Variants in CRISP3 observed in about 807,000 individuals in gnomAD.
The protein encoded by CRISP3 is cysteine-rich secretory protein 3.
CRISP3 carries 33 observed loss-of-function variants against 36.1 expected under a neutral mutation model. The ratio of observed to expected loss-of-function variants is 0.91; its 90% CI spans 0.69 to 1.22. The LOEUF is 1.22. Ranked by LOEUF, CRISP3 falls within the 50% of genes most tolerant of loss-of-function variation. The pLI is 0.00. For missense variants in CRISP3, 330 were observed against 301.2 expected (o/e 1.10, Z -0.71); for synonymous variants, 117 against 104.6 (o/e 1.12, Z -0.72).
rs1161329291 is a variant in CRISP3 at position 49,727,922 on chromosome 6, G to A, written c.*808C>T. ...ATTTGTCATTTTTCTCCCCTGTAAA[G>A]TTACTATGTTTCCCTTTCCATACTC... On this transcript the variant is annotated 3_prime_UTR_variant, in exon 8 of 8. Coordinates refer to ENST00000263045, the MANE Select transcript of CRISP3 (RefSeq NM_006061.4). 1 of 152,094 alleles carries A rather than the reference G, an allele frequency of 6.6e-6. No individual in the cohort carries two copies. Among genetic ancestry groups the A allele is most frequent in the Non-Finnish European group, 1.5e-5 (1 of 67,990 alleles). The allele number at this position is 152,094 out of a possible 1,614,324, so 9.4% of individuals were successfully genotyped here.
At chr6:49,733,437 T>C (rs1341618201) in intron 5 of CRISP3, 145 bp from the exon 6 acceptor site, 8 of 646,018 alleles carry the variant, frequency 1.2e-5, no homozygotes, top group Middle Eastern at 3.6e-4. Context: ...AGTTAAATTA[T>C]TGAATCAAAC....
Position 49,733,697 on chromosome 6 carries a change from C to T in CRISP3, c.462+6G>A, listed in dbSNP as rs1281690201. 6 of 1,608,906 alleles carry T rather than the reference C, an allele frequency of 3.7e-6. No individual in the cohort carries two copies. Among genetic ancestry groups the T allele is most frequent in the Non-Finnish European group, 5.1e-6 (6 of 1,176,958 alleles). On this transcript the variant is annotated splice_donor_region_variant and intron_variant, in intron 5 of 7. Coordinates refer to ENST00000263045, the MANE Select transcript of CRISP3 (RefSeq NM_006061.4). ...AAGGAGATGGTTTTTCATTTCTTCTCCTTACCTGTGTATAATGTCCAACCA... is the reference window on the plus strand; with the variant it reads ...AAGGAGATGGTTTTTCATTTCTTCTTCTTACCTGTGTATAATGTCCAACCA...
intron 4 of CRISP3, among the ~76,000 whole-genome samples, chr6:49,734,945 A>G (rs1239501528): frequency 6.6e-6 from 1 of 152,128 alleles, no homozygotes; most frequent in Non-Finnish European, 1.5e-5. Flanking sequence ...AACATCCAGA[A>G]AATATAAAAG....
intron 5 of CRISP3, 78 bp downstream of exon 5, chr6:49,733,625 G>T (rs994915016): frequency 2.1e-6 from 3 of 1,429,152 alleles, no homozygotes; most frequent in African/African-American, 1.4e-5. Context: ...AATTCAACTT[G>T]GAATCAGTCA....
intron 4 of CRISP3, 56 bp from the exon 5 acceptor site, chr6:49,733,904 A>G: frequency 1.4e-6 from 2 of 1,391,516 alleles, no homozygotes; most frequent in South Asian, 2.4e-5. Flanking sequence ...ATGGCAAAAT[A>G]CACACAAACA....
chr6:49,735,302 GA>G (rs1340143693), intron 4 of CRISP3, among the ~76,000 whole-genome samples: 2 of 152,084 alleles, frequency 1.3e-5, no homozygotes, highest in African/African-American at 4.8e-5. Flanking sequence ...GATACTGTGT[GA>G]GACGGTTTTT....
Position 49,733,292 on chromosome 6 carries a change from C to T in CRISP3, c.463G>A (p.Val155Ile), listed in dbSNP as rs559822225. ...ACGAGGTATGAAGAGTACCAAACAA[C>T]CTATAAACCAATAAGTGAAGATATG... ...PNAVVGHYTQ[V>I]VWYSSYLVGC... The change falls in exon 6 of 8, where the codon GTT becomes ATT. Residue 155 changes from valine (V) to isoleucine (I), a missense_variant and splice_region_variant. Coordinates refer to ENST00000263045, the MANE Select transcript of CRISP3 (RefSeq NM_006061.4). 8 of 1,589,140 alleles carry T rather than the reference C, an allele frequency of 5.0e-6. No individual in the cohort carries two copies. In the African/African-American group the frequency reaches 6.8e-5, roughly 13 times the overall value.
intron 1 of CRISP3, 27 bp from the exon 2 acceptor site, chr6:49,737,425 G>C: frequency 3.1e-6 from 5 of 1,613,482 alleles, no homozygotes; most frequent in Middle Eastern, 1.6e-4. Context: ...GGTGGAACAG[G>C]GATCTGCATT....
chr6:49,734,863 G>T, intron 4 of CRISP3, among the ~76,000 whole-genome samples: 1 of 151,640 alleles, frequency 6.6e-6, no homozygotes, highest in East Asian at 1.9e-4. Flanking sequence ...TTATCTAATT[G>T]TTTTTATATT....
At chr6:49,730,498 G>C (rs760966917) in intron 7 of CRISP3, among the ~76,000 whole-genome samples, 13 of 151,896 alleles carry the variant, frequency 8.6e-5, no homozygotes, top group Non-Finnish European at 1.2e-4. Flanking sequence ...CATATTCTAT[G>C]GTCTCATACT....
chr6:49,739,495 A>G (rs1366666063), intron 1 of CRISP3, among the ~76,000 whole-genome samples: 2 of 152,168 alleles, frequency 1.3e-5, no homozygotes, highest in South Asian at 2.1e-4. Context: ...TTCCTTTTAC[A>G]GTGATCCATT....
At chr6:49,743,836 T>C (rs1005863008) in intron 1 of CRISP3, among the ~76,000 whole-genome samples, 1 of 152,126 alleles carries the variant, frequency 6.6e-6, no homozygotes, top group Admixed American at 6.5e-5. Context: ...GCATTTTATG[T>C]TGATGGTCTT....
At position 49,744,379 on chromosome 6, in the gene CRISP3, A is replaced by G. The variant is rs1769279733; in HGVS notation, c.-12T>C. On this transcript the variant is annotated 5_prime_UTR_variant, in exon 1 of 8. Transcript: ENST00000263045. ...AGTATTTGTTTCATCTATTGACAGAAGGAAGGTGCAGAGAGAGAAGGTTAG... is the reference window on the plus strand; with the variant it reads ...AGTATTTGTTTCATCTATTGACAGAGGGAAGGTGCAGAGAGAGAAGGTTAG... 3 of 1,532,842 alleles carry G rather than the reference A, an allele frequency of 2.0e-6. No homozygotes were observed. In the East Asian group the frequency reaches 7.4e-5, roughly 38 times the overall value. The allele number at this position is 1,532,842 out of a possible 1,614,324, so 95.0% of individuals were successfully genotyped here. A position where few individuals can be genotyped will look rare whatever the true frequency, so the allele number is the denominator to read the frequency against.
At chr6:49,741,124 C>A (rs377180776) in intron 1 of CRISP3, among the ~76,000 whole-genome samples, 33 of 113,932 alleles carry the variant, frequency 2.9e-4, no homozygotes, top group South Asian at 6.2e-4. Context: ...AACAAACAAA[C>A]AAAAAAAACA....
At chr6:49,739,015 A>T (rs1769135088) in intron 1 of CRISP3, among the ~76,000 whole-genome samples, 1 of 152,072 alleles carries the variant, frequency 6.6e-6, no homozygotes, top group African/African-American at 2.4e-5. Context: ...AAAAAAAAGA[A>T]TCCACGAAAA....
At chr6:49,739,197 C>A (rs148329859) in intron 1 of CRISP3, among the ~76,000 whole-genome samples, 48 of 152,294 alleles carry the variant, frequency 3.2e-4, no homozygotes, top group African/African-American at 1.2e-3. Context: ...CCCTCTAGTG[C>A]GTCTCCTGCA....
At position 49,731,260 on chromosome 6, in the gene CRISP3, T is replaced by G. The variant is rs1314325013; in HGVS notation, c.561-9A>C. 2 of 1,567,224 alleles carry G rather than the reference T, an allele frequency of 1.3e-6. No homozygotes were observed. Among genetic ancestry groups the G allele is most frequent in the Non-Finnish European group, 1.7e-6 (2 of 1,150,660 alleles). ...TATTAGCCCAATTACCACTGAAATT[T>G]GAAATAAAAATGTCAAATATTTTTC... is the stretch of plus-strand genomic sequence containing the variant. On this transcript the variant is annotated splice_polypyrimidine_tract_variant and intron_variant, in intron 6 of 7. Coordinates refer to ENST00000263045, the MANE Select transcript of CRISP3 (RefSeq NM_006061.4).
chr6:49,740,181 T>C (rs1377056307), intron 1 of CRISP3, among the ~76,000 whole-genome samples: 1 of 152,210 alleles, frequency 6.6e-6, no homozygotes, highest in Non-Finnish European at 1.5e-5. Context: ...ACTGGTATGT[T>C]TGAAACACTC....
Position 49,728,692 on chromosome 6 carries a change from T to C in CRISP3, c.*38A>G. On this transcript the variant is annotated 3_prime_UTR_variant, in exon 8 of 8. Coordinates refer to ENST00000263045, the MANE Select transcript of CRISP3 (RefSeq NM_006061.4). ...GCCAAATCTAAGTAGATAATCTGAC[T>C]CCTCTCTACATAGCCCTACTCGGTG... The C allele has an allele frequency of 1.3e-6, 2 of 1,520,132 alleles. No individual in the cohort carries two copies. Among genetic ancestry groups the C allele is most frequent in the South Asian group, 1.4e-5 (1 of 73,306 alleles). The allele number at this position is 1,520,132 out of a possible 1,614,324, so 94.2% of individuals were successfully genotyped here.
Sources: allele counts gnomAD v4.1 joint callset (sites outside exome capture counted in the v4.1 genomes callset), GRCh38; gene constraint gnomAD v4.1.1; transcripts MANE v1.5; gene names NCBI Gene and HGNC (gene_info 2026-07-23, HGNC 2026-07-21).